The following PTPRT variants were observed in gnomAD, a reference collection of about 807,000 sequenced individuals.
PTPRT encodes receptor-type tyrosine-protein phosphatase T.
Under a neutral mutation model 176.8 loss-of-function variants are expected in PTPRT, and 56 were observed. That is an observed-to-expected ratio of 0.32 (90% CI 0.26 to 0.40). The LOEUF is 0.40. Among genes scored for constraint, PTPRT ranks in the 10% least tolerant of loss-of-function variants. The pLI is 1.00. For synonymous variants in PTPRT, 783 were observed against 739.0 expected (o/e 1.06, Z -0.96); for missense variants, 1,540 against 1,908.2 (o/e 0.81, Z 3.60).
intron 14 of PTPRT, among the ~76,000 whole-genome samples, chr20:42,247,422 C>A (rs2056471835): frequency 6.6e-6 from 1 of 152,138 alleles, no homozygotes; most frequent in Non-Finnish European, 1.5e-5. Context: ...AAAAATTCTT[C>A]ATTTTATATT....
chr20:42,987,712 C>T (rs145229432), intron 1 of PTPRT, among the ~76,000 whole-genome samples: 115 of 152,228 alleles, frequency 7.6e-4, no homozygotes, highest in Non-Finnish European at 4.4e-4. Context: ...TTGCTTCCTC[C>T]AAGCCATCAT....
chr20:42,966,777 G>A (rs1277542606), intron 1 of PTPRT, among the ~76,000 whole-genome samples: 2 of 152,186 alleles, frequency 1.3e-5, no homozygotes, highest in Admixed American at 6.5e-5. Flanking sequence ...TCCATTGTAC[G>A]TGATCATCAG....
chr20:43,108,960 C>A (rs2012741074), intron 1 of PTPRT, among the ~76,000 whole-genome samples: 1 of 152,162 alleles, frequency 6.6e-6, no homozygotes, highest in South Asian at 2.1e-4. Context: ...CAGCACTAAT[C>A]TAGAATGAAG....
intron 1 of PTPRT, among the ~76,000 whole-genome samples, chr20:42,912,601 G>A (rs182974960): frequency 4.5e-4 from 69 of 152,200 alleles, no homozygotes; most frequent in East Asian, 7.7e-4. Context: ...AGATACTTGC[G>A]TATCATACTA....
intron 9 of PTPRT, 57 bp downstream of exon 9, chr20:42,448,163 G>T: frequency 7.5e-7 from 1 of 1,335,534 alleles, no homozygotes; most frequent in South Asian, 1.2e-5. Flanking sequence ...CCAATGTCAG[G>T]CTGAAGTGAC....
At chr20:42,389,637 G>T (rs2058780229) in intron 9 of PTPRT, among the ~76,000 whole-genome samples, 2 of 152,036 alleles carry the variant, frequency 1.3e-5, no homozygotes, top group African/African-American at 4.8e-5. Flanking sequence ...CTTCTTGCTT[G>T]AGTCTAGGAG....
At chr20:42,368,164 C>T (rs2058540592) in intron 9 of PTPRT, among the ~76,000 whole-genome samples, 1 of 152,128 alleles carries the variant, frequency 6.6e-6, no homozygotes, top group African/African-American at 2.4e-5. Flanking sequence ...CAGGAGGCTT[C>T]CTTCAGGGGC....
At chr20:43,168,085 A>G (rs192873281) in intron 1 of PTPRT, among the ~76,000 whole-genome samples, 9 of 152,316 alleles carry the variant, frequency 5.9e-5, no homozygotes, top group Non-Finnish European at 8.8e-5. Context: ...TGAATTGCTC[A>G]AGTCATCCTA....
At chr20:43,188,870 C>A (rs566514419) in intron 1 of PTPRT, among the ~76,000 whole-genome samples, 2 of 151,214 alleles carry the variant, frequency 1.3e-5, no homozygotes, top group Admixed American at 1.3e-4. Flanking sequence ...GCAGGCACCA[C>A]CCCCCCGCCC....
intron 13 of PTPRT, chr20:42,270,355 G>A: frequency 6.6e-7 from 1 of 1,511,612 alleles, no homozygotes; most frequent in Non-Finnish European, 9.0e-7. Context: ...ACTGAGTGTG[G>A]GCAACTCTCC....
chr20:42,866,997 C>T (rs905378486), intron 2 of PTPRT, among the ~76,000 whole-genome samples: 4 of 152,210 alleles, frequency 2.6e-5, no homozygotes, highest in Admixed American at 6.5e-5. Flanking sequence ...CTACCTGATA[C>T]TAATGTCATC....
chr20:42,034,399 G>A, the PTPRT span, among the ~76,000 whole-genome samples: 1 of 152,110 alleles, frequency 6.6e-6, no homozygotes, highest in African/African-American at 2.4e-5. Flanking sequence ...AGGGAGAGAG[G>A]AGGAAAGAGG....
At chr20:42,158,601 T>C (rs1198429638) in intron 17 of PTPRT, among the ~76,000 whole-genome samples, 1 of 152,210 alleles carries the variant, frequency 6.6e-6, no homozygotes, top group African/African-American at 2.4e-5. Flanking sequence ...GTGACTCCTA[T>C]GCTCAGGAGG....
At chr20:42,614,547 C>T (rs992336781) in intron 7 of PTPRT, among the ~76,000 whole-genome samples, 1 of 139,480 alleles carries the variant, frequency 7.2e-6, no homozygotes, top group African/African-American at 3.1e-5. Flanking sequence ...TCACCACCCC[C>T]TTCTATTCCC....
At chr20:42,336,439 G>A (rs981369549) in intron 11 of PTPRT, among the ~76,000 whole-genome samples, 3 of 152,084 alleles carry the variant, frequency 2.0e-5, no homozygotes, top group Non-Finnish European at 4.4e-5. Context: ...GGGAGGGGGG[G>A]TTGTAAATGG....
chr20:42,353,329 C>T lies in PTPRT; in HGVS notation c.1561-1044G>A, dbSNP rs151055134. On this transcript the variant is annotated intron_variant, in intron 9 of 30. Coordinates refer to ENST00000373187, the MANE Select transcript of PTPRT (RefSeq NM_007050.6). ...ATTATCTTTTTTGTCTTCCTCAAAT[C>T]CTTGGGGGCATCAGGATAGCTACTC... is the stretch of plus-strand genomic sequence containing the variant. Among the ~76,000 whole-genome samples the T allele has an allele frequency of 2.4e-3, 364 of 152,260 alleles. 2 individuals are homozygous for T. Among genetic ancestry groups the T allele is most frequent in the Middle Eastern group, 6.8e-3 (2 of 294 alleles).
chr20:42,556,299 T>C (rs2072859622), intron 7 of PTPRT, among the ~76,000 whole-genome samples: 1 of 152,160 alleles, frequency 6.6e-6, no homozygotes, highest in Non-Finnish European at 1.5e-5. Context: ...GCTGAATTCT[T>C]CCATCTCCTT....
chr20:42,771,243 G>C (rs2077057837), intron 5 of PTPRT, among the ~76,000 whole-genome samples, 192 bp downstream of exon 5: 1 of 152,074 alleles, frequency 6.6e-6, no homozygotes, highest in South Asian at 2.1e-4. Flanking sequence ...CATCTCACAA[G>C]CCCAGACCTC....
At position 42,306,690 on chromosome 20, in the gene PTPRT, G is replaced by T. The variant is rs549389768; in HGVS notation, c.2139+9033C>A. On this transcript the variant is annotated intron_variant, in intron 12 of 30. Transcript: ENST00000373187. ...GTTGCCTTGGCTCAGCTACCGATGG[G>T]TGGTACAGGTCTAAGGTCTGCTGAG... Among the ~76,000 whole-genome samples, 37 of 152,326 alleles carry T rather than the reference G, an allele frequency of 2.4e-4. 1 individual carries two copies. Among genetic ancestry groups the T allele is most frequent in the African/African-American group, 8.2e-4 (34 of 41,562 alleles).
Sources: gnomAD v4.1 joint callset for allele counts (sites outside exome capture counted in the v4.1 genomes callset) on GRCh38, gnomAD v4.1.1 for gene constraint, MANE v1.5 for transcripts, NCBI Gene and HGNC (gene_info 2026-07-23, HGNC 2026-07-21) for gene names.